The following PTCHD4 variants were observed in gnomAD, a reference collection of about 807,000 sequenced individuals.
PTCHD4 encodes the protein patched domain-containing protein 4.
In PTCHD4, 33 loss-of-function variants were observed where a neutral mutation model predicts 58.1. That is an observed-to-expected ratio of 0.57 (90% CI 0.43 to 0.76). The LOEUF (loss-of-function observed/expected upper bound fraction) is 0.76, where lower values mean the gene tolerates loss of function less well. Among genes scored for constraint, PTCHD4 ranks in the 30% least tolerant of loss-of-function variants. The pLI is 0.00. For synonymous variants in PTCHD4, 478 were observed against 409.6 expected, an observed-to-expected ratio of 1.17 and a Z score of -2.02; for missense variants, 1,058 against 1,027.1, an observed-to-expected ratio of 1.03 and a Z score of -0.41.
intron 1 of PTCHD4, among the ~76,000 whole-genome samples, chr6:48,109,726 A>C (rs955811512): frequency 1.3e-5 from 2 of 152,168 alleles, no homozygotes; most frequent in South Asian, 4.1e-4. Flanking sequence ...ACAAAACCCC[A>C]AAAAACAAAA....
chr6:47,982,765 G>C (rs1055100118), intron 4 of PTCHD4, among the ~76,000 whole-genome samples: 2 of 152,146 alleles, frequency 1.3e-5, no homozygotes, highest in Non-Finnish European at 2.9e-5. Flanking sequence ...GGGATTAAAG[G>C]CATGAGCCAC....
rs146566478 is a variant in PTCHD4 at position 48,089,611 on chromosome 6, A to G, written c.-969-19685T>C. Among the ~76,000 whole-genome samples, 64 of 152,336 alleles carry G rather than the reference A, an allele frequency of 4.2e-4. 3 individuals are homozygous for G. The highest frequency in any genetic ancestry group is 1.4e-3 in the African/African-American group (60 of 41,578). On this transcript the variant is annotated intron_variant, in intron 1 of 4. Transcript: ENST00000339488. Reference sequence around the variant, plus strand: ...CTTTATTGACCCGTTATTGAATTGCAATCTTGTATATGATTTTGTAGTTTT... The same window carrying G: ...CTTTATTGACCCGTTATTGAATTGCGATCTTGTATATGATTTTGTAGTTTT...
intron 4 of PTCHD4, among the ~76,000 whole-genome samples, chr6:48,005,570 C>T (rs114630811): frequency 0.01 from 1,584 of 152,310 alleles, 30 homozygotes; most frequent in African/African-American, 0.036. Flanking sequence ...TTCCACCTCA[C>T]CACCTTCATA....
At chr6:47,908,252 G>A (rs1561951219) in intron 4 of PTCHD4, among the ~76,000 whole-genome samples, 1 of 152,080 alleles carries the variant, frequency 6.6e-6, no homozygotes, top group Admixed American at 6.6e-5. Flanking sequence ...GTCTTATAAC[G>A]TGGTGCTCCA....
intron 4 of PTCHD4, among the ~76,000 whole-genome samples, chr6:47,961,486 G>A (rs1767092734): frequency 6.6e-6 from 1 of 151,898 alleles, no homozygotes; most frequent in African/African-American, 2.4e-5. Flanking sequence ...TAGAGACAGA[G>A]TTTCACCACG....
chr6:48,018,465 A>C (rs892004407), intron 3 of PTCHD4, among the ~76,000 whole-genome samples: 2 of 152,226 alleles, frequency 1.3e-5, no homozygotes, highest in Non-Finnish European at 1.5e-5. Context: ...TTTCCATAGA[A>C]ACAAGAAGCA....
At position 47,874,959 on chromosome 6, in the gene PTCHD4, G is replaced by A. The variant is rs545911646; in HGVS notation, c.*3344C>T. ...GCTGATCTCTCTGTAATTTAGGTGAGTACCTCTTTGAAGTTTATTAACATC... is the reference window on the plus strand; with the variant it reads ...GCTGATCTCTCTGTAATTTAGGTGAATACCTCTTTGAAGTTTATTAACATC... On this transcript the variant is annotated 3_prime_UTR_variant, in exon 5 of 5. Coordinates refer to ENST00000339488, the MANE Select transcript of PTCHD4 (RefSeq NM_001384253.1). Among the ~76,000 whole-genome samples the A allele has an allele frequency of 1.3e-5, 2 of 151,862 alleles. No individual in the cohort carries two copies. Among genetic ancestry groups the A allele is most frequent in the South Asian group, 4.2e-4 (2 of 4,818 alleles).
At chr6:48,074,990 T>C (rs1019661958) in intron 1 of PTCHD4, among the ~76,000 whole-genome samples, 2 of 152,216 alleles carry the variant, frequency 1.3e-5, no homozygotes, top group East Asian at 3.9e-4. Context: ...TAAATTATCT[T>C]TATTTAAATA....
chr6:47,945,523 A>G (rs1164373232), intron 4 of PTCHD4, among the ~76,000 whole-genome samples: 1 of 151,948 alleles, frequency 6.6e-6, no homozygotes, highest in Non-Finnish European at 1.5e-5. Flanking sequence ...TGCCTAAACA[A>G]TATATTGTTT....
In PTCHD4 at chr6:47,879,366, T is replaced by A. The variant is rs776377639; in HGVS notation, c.1469A>T (p.Asn490Ile). The A allele has an allele frequency of 6.2e-7, 1 of 1,613,414 alleles. No individual in the cohort carries two copies. The highest frequency in any genetic ancestry group is 1.3e-5 in the African/African-American group (1 of 74,882). ...ACTTGGCGAATCACTGGCTAGTAGA[T>A]TGATGATGTTGGCTCCGTCACTGAT... Reference protein sequence around the residue: ...LQISDGANIINLLASDSPSVS... With the variant: ...LQISDGANIIILLASDSPSVS... The change falls in exon 5 of 5, where the codon AAT becomes ATT. Residue 490 changes from asparagine (N) to isoleucine (I), a missense_variant. Asn to Ile is a moderately radical substitution (Grantham distance 149). Transcript: ENST00000339488.
chr6:47,947,426 G>C (rs549192612), intron 4 of PTCHD4, among the ~76,000 whole-genome samples: 2 of 151,490 alleles, frequency 1.3e-5, no homozygotes, highest in South Asian at 4.2e-4. Flanking sequence ...CCTTCCTTTT[G>C]AGGTCATTTT....
In PTCHD4 at chr6:48,086,077, T is replaced by A. The variant is rs143273709; in HGVS notation, c.-969-16151A>T. Among the ~76,000 whole-genome samples the A allele has an allele frequency of 3.0e-3, 464 of 152,198 alleles. 3 individuals carry two copies. The highest frequency in any genetic ancestry group is 0.011 in the African/African-American group (441 of 41,538). On this transcript the variant is annotated intron_variant, in intron 1 of 4. Coordinates refer to ENST00000339488, the MANE Select transcript of PTCHD4 (RefSeq NM_001384253.1). ...TCACAGCATCCGAAATGTTGTAGAATTATAATTGTGTCACTATGATTTACA... is the reference window on the plus strand; with the variant it reads ...TCACAGCATCCGAAATGTTGTAGAAATATAATTGTGTCACTATGATTTACA...
intron 3 of PTCHD4, among the ~76,000 whole-genome samples, chr6:48,018,734 T>G (rs1354537841): frequency 6.6e-6 from 1 of 152,252 alleles, no homozygotes; most frequent in African/African-American, 2.4e-5. Flanking sequence ...ATTACTATTC[T>G]TACATGAATG....
At chr6:48,082,871 T>A (rs1765194254) in intron 1 of PTCHD4, among the ~76,000 whole-genome samples, 1 of 152,016 alleles carries the variant, frequency 6.6e-6, no homozygotes, top group Non-Finnish European at 1.5e-5. Context: ...TTGATATAAT[T>A]TAGTGCAGAA....
intron 4 of PTCHD4, among the ~76,000 whole-genome samples, chr6:47,936,183 G>T (rs1351963169): frequency 1.3e-5 from 2 of 152,200 alleles, no homozygotes. Flanking sequence ...TCGACTAGGT[G>T]AAAGAAGATG....
chr6:48,083,422 T>C (rs1420285355), intron 1 of PTCHD4, among the ~76,000 whole-genome samples: 2 of 152,142 alleles, frequency 1.3e-5, no homozygotes, highest in Non-Finnish European at 2.9e-5. Flanking sequence ...TGGAATTCTT[T>C]TTGGGTAATC....
intron 4 of PTCHD4, among the ~76,000 whole-genome samples, chr6:47,921,695 A>G (rs1022320552): frequency 6.6e-6 from 1 of 152,186 alleles, no homozygotes; most frequent in Non-Finnish European, 1.5e-5. Context: ...GAAGACAAGG[A>G]CATCTTCTGT....
chr6:47,896,113 T>C (rs1221857077), intron 4 of PTCHD4, among the ~76,000 whole-genome samples: 4 of 152,210 alleles, frequency 2.6e-5, no homozygotes, highest in Non-Finnish European at 5.9e-5. Context: ...CCTGTGATCA[T>C]CTCTTAACTA....
intron 4 of PTCHD4, among the ~76,000 whole-genome samples, chr6:48,004,618 AT>A (rs905883956): frequency 3.3e-5 from 5 of 152,138 alleles, no homozygotes; most frequent in Admixed American, 6.5e-5. Flanking sequence ...CCTTTCAAGT[AT>A]TTTTTTAAAA....
Sources: allele counts gnomAD v4.1 joint callset (sites outside exome capture counted in the v4.1 genomes callset), GRCh38; gene constraint gnomAD v4.1.1; transcripts MANE v1.5; gene names NCBI Gene and HGNC (gene_info 2026-07-23, HGNC 2026-07-21).